Variants in HSD17B12 observed in about 807,000 individuals in gnomAD.
HSD17B12 encodes hydroxysteroid 17-beta dehydrogenase 12.
HSD17B12 carries 32 observed loss-of-function variants against 39.3 expected under a neutral mutation model. The observed-to-expected ratio is 0.81, with a 90% CI of 0.61 to 1.09. The LOEUF (loss-of-function observed/expected upper bound fraction) is 1.09, where lower values mean the gene tolerates loss of function less well. HSD17B12 is among the 50% of genes least tolerant of loss of function. The probability of loss-of-function intolerance (pLI) is 0.00; values close to 1 mark genes in which losing one functional copy is unlikely to be tolerated. For missense variants in HSD17B12, 342 were observed against 382.9 expected (o/e 0.89, Z 0.89); for synonymous variants, 150 against 146.7 (o/e 1.02, Z -0.16).
chr11:43,608,192 C>T, the HSD17B12 span, among the ~76,000 whole-genome samples: 1 of 152,014 alleles, frequency 6.6e-6, no homozygotes, highest in African/African-American at 2.4e-5. Flanking sequence ...GGGTGAAACC[C>T]CATCTCTACT....
intron 3 of HSD17B12, among the ~76,000 whole-genome samples, chr11:43,764,929 C>T (rs11037609): frequency 0.22 from 33,500 of 151,980 alleles, 3,916 homozygotes; most frequent in Middle Eastern, 0.37. Context: ...TGAGCTAAAA[C>T]CTACCAATTG....
the HSD17B12 span, among the ~76,000 whole-genome samples, chr11:43,601,353 G>A: frequency 2.0e-5 from 3 of 151,660 alleles, no homozygotes; most frequent in African/African-American, 7.3e-5. Flanking sequence ...TACTTGCATT[G>A]GTGTCATTCC....
At chr11:43,823,708 A>G (rs1488926160) in intron 6 of HSD17B12, among the ~76,000 whole-genome samples, 3 of 151,848 alleles carry the variant, frequency 2.0e-5, no homozygotes, top group Non-Finnish European at 4.4e-5. Context: ...GGTGCACAAC[A>G]CATTTTTTTT....
chr11:43,651,739 T>G, the HSD17B12 span, among the ~76,000 whole-genome samples: 1 of 151,990 alleles, frequency 6.6e-6, no homozygotes, highest in Non-Finnish European at 1.5e-5. Flanking sequence ...CACCACCACA[T>G]CCAGTTATTT....
At chr11:43,575,252 A>C in the HSD17B12 span, among the ~76,000 whole-genome samples, 1 of 152,250 alleles carries the variant, frequency 6.6e-6, no homozygotes, top group Non-Finnish European at 1.5e-5. This position sits in a 1 kb window ranked among gnomAD's most constrained non-coding sequence, Gnocchi z 4.1. Context: ...ACCAGGCAGG[A>C]TGCGTGGGCG....
the HSD17B12 span, among the ~76,000 whole-genome samples, chr11:43,589,822 A>C: frequency 6.6e-6 from 1 of 152,206 alleles, no homozygotes; most frequent in African/African-American, 2.4e-5. Context: ...TTTTTTGCCT[A>C]GTCCTGCCCT....
At chr11:43,823,290 A>T (rs539482283) in intron 6 of HSD17B12, among the ~76,000 whole-genome samples, 21 of 151,738 alleles carry the variant, frequency 1.4e-4, no homozygotes, top group Non-Finnish European at 3.1e-4. Context: ...TCTTTTTTTG[A>T]GACAGGGTAT....
the HSD17B12 span, among the ~76,000 whole-genome samples, chr11:43,621,056 A>G: frequency 6.6e-6 from 1 of 152,230 alleles, no homozygotes; most frequent in South Asian, 2.1e-4. Flanking sequence ...GTAGAAGAGA[A>G]GGATGAAGGT....
chr11:43,716,828 G>C (rs965025275), intron 1 of HSD17B12, among the ~76,000 whole-genome samples: 2 of 150,870 alleles, frequency 1.3e-5, no homozygotes, highest in Non-Finnish European at 2.9e-5. Context: ...AGACCTGAGG[G>C]AGTCAGGAGT....
At chr11:43,651,838 G>A in the HSD17B12 span, among the ~76,000 whole-genome samples, 16 of 152,224 alleles carry the variant, frequency 1.1e-4, no homozygotes, top group South Asian at 2.1e-4. Context: ...TTAGCCTCCC[G>A]AAGTGCTGGG....
intron 1 of HSD17B12, among the ~76,000 whole-genome samples, chr11:43,692,270 G>GT (rs903725402): frequency 2.0e-5 from 3 of 152,124 alleles, no homozygotes; most frequent in African/African-American, 7.2e-5. Flanking sequence ...TTTGTGAACT[G>GT]TTTTTTCTCC....
At chr11:43,782,235 C>G (rs1247246541) in intron 3 of HSD17B12, among the ~76,000 whole-genome samples, 1 of 152,180 alleles carries the variant, frequency 6.6e-6, no homozygotes, top group African/African-American at 2.4e-5. Flanking sequence ...TAAATTAGAG[C>G]ATTTAATCAG....
At chr11:43,567,967 C>A in the HSD17B12 span, among the ~76,000 whole-genome samples, 3 of 152,126 alleles carry the variant, frequency 2.0e-5, no homozygotes, top group Non-Finnish European at 4.4e-5. Context: ...CAAGAGTCAA[C>A]GGACAATGTG....
At chr11:43,574,178 A>G in the HSD17B12 span, among the ~76,000 whole-genome samples, 1 of 152,218 alleles carries the variant, frequency 6.6e-6, no homozygotes, top group Non-Finnish European at 1.5e-5. Context: ...GGATGGGCTA[A>G]GCTTAACCCC....
At chr11:43,578,428 G>C in the HSD17B12 span, among the ~76,000 whole-genome samples, 1 of 152,188 alleles carries the variant, frequency 6.6e-6, no homozygotes, top group African/African-American at 2.4e-5. Context: ...TCTCTCGGAA[G>C]GTTCCCTGAC....
intron 1 of HSD17B12, among the ~76,000 whole-genome samples, chr11:43,722,807 C>T (rs1950187366): frequency 6.7e-6 from 1 of 148,700 alleles, no homozygotes; most frequent in East Asian, 2.0e-4. Flanking sequence ...CGAGACCACA[C>T]CATTGCACTC....
the HSD17B12 span, among the ~76,000 whole-genome samples, chr11:43,628,026 G>T: frequency 6.0e-5 from 9 of 151,126 alleles, no homozygotes; most frequent in Non-Finnish European, 4.4e-5. Context: ...AAACAGAAAT[G>T]GTTCTTTTCT....
chr11:43,812,257 T>A (rs555058069), intron 4 of HSD17B12, among the ~76,000 whole-genome samples: 26 of 152,314 alleles, frequency 1.7e-4, no homozygotes, highest in Middle Eastern at 3.4e-3. Context: ...TGTTGGATCA[T>A]GTGATAGTTC....
intron 1 of HSD17B12, among the ~76,000 whole-genome samples, chr11:43,744,663 G>C (rs1207484687): frequency 6.6e-6 from 1 of 152,308 alleles, no homozygotes; most frequent in African/African-American, 2.4e-5. Context: ...AGGACATTCA[G>C]TAACAAGTAA....
Sources: allele counts gnomAD v4.1 joint callset (sites outside exome capture counted in the v4.1 genomes callset), GRCh38; gene constraint gnomAD v4.1.1; non-coding constraint Gnocchi (gnomAD v3.1); transcripts MANE v1.5; gene names NCBI Gene and HGNC (gene_info 2026-07-23, HGNC 2026-07-21).